USH2A: variants seen among roughly 807,000 people sequenced by gnomAD.
USH2A encodes usherin.
USH2A carries 443 observed loss-of-function variants against 538.9 expected under a neutral mutation model. The ratio of observed to expected loss-of-function variants is 0.82; its 90% CI spans 0.76 to 0.89. The LOEUF (loss-of-function observed/expected upper bound fraction) is 0.89, where lower values mean the gene tolerates loss of function less well. USH2A is among the 40% of genes least tolerant of loss of function. The pLI, the probability that USH2A is intolerant of heterozygous loss-of-function variation, is 0.00. For missense variants in USH2A, 6,633 were observed against 6,324.8 expected, an observed-to-expected ratio of 1.05 and a Z score of -1.65; for synonymous variants, 2,413 against 2,273.5, an observed-to-expected ratio of 1.06 and a Z score of -1.75.
chr1:215,677,585 G>A (rs746417781), intron 62 of USH2A, among the ~76,000 whole-genome samples: 2 of 152,094 alleles, frequency 1.3e-5, no homozygotes, highest in Non-Finnish European at 2.9e-5. Context: ...TATACTCGGG[G>A]TGGCTTCTCT....
chr1:215,951,793 A>C (rs138215554), intron 37 of USH2A, among the ~76,000 whole-genome samples: 4,843 of 151,442 alleles, frequency 0.032, 122 homozygotes, highest in South Asian at 0.084. Context: ...GAATTGATCC[A>C]TTTACCATTC....
At chr1:216,015,246 A>C (rs1668678516) in intron 32 of USH2A, among the ~76,000 whole-genome samples, 1 of 152,176 alleles carries the variant, frequency 6.6e-6, no homozygotes, top group South Asian at 2.1e-4. Flanking sequence ...CATCTTCGGC[A>C]GCAAACCTAA....
chr1:215,946,040 A>C (rs1330896357), intron 37 of USH2A, among the ~76,000 whole-genome samples: 1 of 152,186 alleles, frequency 6.6e-6, no homozygotes, highest in Non-Finnish European at 1.5e-5. Flanking sequence ...CAATACTGCC[A>C]AGTGCCATTA....
intron 34 of USH2A, among the ~76,000 whole-genome samples, chr1:215,995,365 G>A (rs899087240): frequency 6.6e-6 from 1 of 152,194 alleles, no homozygotes; most frequent in Non-Finnish European, 1.5e-5. Context: ...TAAAGAGGCT[G>A]CTGAAATAAC....
At chr1:215,969,747 A>G (rs938864328) in intron 36 of USH2A, among the ~76,000 whole-genome samples, 1 of 152,154 alleles carries the variant, frequency 6.6e-6, no homozygotes, top group African/African-American at 2.4e-5. Flanking sequence ...ATCAAAAATA[A>G]GGAAGCAGAA....
At chr1:215,667,259 T>C (rs1657634958) in intron 64 of USH2A, among the ~76,000 whole-genome samples, 1 of 152,152 alleles carries the variant, frequency 6.6e-6, no homozygotes, top group Non-Finnish European at 1.5e-5. Context: ...GCTTGTGATA[T>C]CACATGGATT....
chr1:215,943,957 T>G (rs1666698180), intron 37 of USH2A, among the ~76,000 whole-genome samples: 1 of 152,194 alleles, frequency 6.6e-6, no homozygotes, highest in African/African-American at 2.4e-5. Context: ...TTGTTAACAT[T>G]GGTTATTTAT....
Position 215,930,351 on chromosome 1 carries a change from G to GTAGT in USH2A, c.7300+4261_7300+4264dup, listed in dbSNP as rs201673269. On this transcript the variant is annotated intron_variant, in intron 38 of 71. Coordinates refer to ENST00000307340, the MANE Select transcript of USH2A (RefSeq NM_206933.4). ...TCTTCTGTCTCTTTTAGCTTTCTGAGTAGTTCTTTGATGTAACAAAGACAG... is the reference window on the plus strand; with the variant it reads ...TCTTCTGTCTCTTTTAGCTTTCTGAGTAGTTAGTTCTTTGATGTAACAAAGACAG... Among the ~76,000 whole-genome samples, 27 of 151,822 alleles carry GTAGT rather than the reference G, an allele frequency of 1.8e-4. No individual in the cohort carries two copies. The East Asian group carries it at 5.0e-3, about 28-fold the overall frequency.
intron 4 of USH2A, among the ~76,000 whole-genome samples, chr1:216,360,665 C>T (rs1348740574): frequency 6.6e-6 from 1 of 151,406 alleles, no homozygotes; most frequent in African/African-American, 2.4e-5. Context: ...ACTCTCTATA[C>T]TTTCCACTCA....
intron 6 of USH2A, 119 bp from the exon 7 acceptor site, chr1:216,324,471 C>G (rs1339317630): frequency 1.6e-5 from 16 of 975,698 alleles, no homozygotes; most frequent in Non-Finnish European, 2.4e-5. Context: ...TTATAGTTAT[C>G]AAATATGTAT....
intron 36 of USH2A, 63 bp downstream of exon 36, chr1:215,970,562 T>C: frequency 6.2e-7 from 1 of 1,607,496 alleles, no homozygotes; most frequent in Non-Finnish European, 8.5e-7. Context: ...ACTTACTTCT[T>C]CCTTAATATT....
At chr1:216,030,203 C>T (rs1669073376) in intron 32 of USH2A, among the ~76,000 whole-genome samples, 2 of 138,508 alleles carry the variant, frequency 1.4e-5, no homozygotes, top group Non-Finnish European at 3.0e-5. Context: ...TATAGATCTA[C>T]ATCACACATA....
At chr1:216,251,472 A>ATTTTTT (rs2036161521) in intron 11 of USH2A, among the ~76,000 whole-genome samples, 1 of 61,940 alleles carries the variant, frequency 1.6e-5, no homozygotes, top group Non-Finnish European at 3.2e-5. Flanking sequence ...TTTTTTTGAG[A>ATTTTTT]TGGAGTCTCG....
At chr1:215,812,053 C>T (rs540402485) in intron 49 of USH2A, among the ~76,000 whole-genome samples, 9 of 128,710 alleles carry the variant, frequency 7.0e-5, no homozygotes, top group African/African-American at 3.0e-5. Flanking sequence ...GGCACCATCT[C>T]GGCTCACCGC....
intron 35 of USH2A, among the ~76,000 whole-genome samples, chr1:215,987,414 C>T (rs572436735): frequency 6.6e-6 from 1 of 152,292 alleles, no homozygotes; most frequent in South Asian, 2.1e-4. Context: ...ACCTAAAAGT[C>T]GCTCTTTTCA....
chr1:215,726,477 TTAAAC>T lies in USH2A; in HGVS notation c.12066+1548_12066+1552del, dbSNP rs200041491. On this transcript the variant is annotated intron_variant, in intron 61 of 71. Transcript: ENST00000307340. Reference sequence around the variant, plus strand: ...GAGGACAGTGGGAAAACATTGTACTTTAAACTATTAATTTAAAAGGGCTCTTCTGG... The same window carrying T: ...GAGGACAGTGGGAAAACATTGTACTTTATTAATTTAAAAGGGCTCTTCTGG... Among the ~76,000 whole-genome samples, 14 of 152,334 alleles carry T rather than the reference TTAAAC, an allele frequency of 9.2e-5. No homozygotes were observed. In the South Asian group the frequency reaches 1.9e-3, roughly 20 times the overall value.
At chr1:216,230,076 T>C (rs980472379) in intron 14 of USH2A, among the ~76,000 whole-genome samples, 5 of 152,024 alleles carry the variant, frequency 3.3e-5, no homozygotes, top group African/African-American at 1.2e-4. Flanking sequence ...AAATGGGTAA[T>C]TGAATGTCAC....
chr1:215,968,486 T>A (rs1188714317), intron 36 of USH2A, among the ~76,000 whole-genome samples: 2 of 152,180 alleles, frequency 1.3e-5, no homozygotes, highest in Non-Finnish European at 2.9e-5. Context: ...GTGGTAAGAA[T>A]ATGGAACTTC....
chr1:216,124,311 G>C (rs2033201162), intron 21 of USH2A, among the ~76,000 whole-genome samples: 1 of 151,968 alleles, frequency 6.6e-6, no homozygotes, highest in Admixed American at 6.6e-5. Context: ...ACCCCTCTCA[G>C]GCAGTATCAA....
Sources: gnomAD v4.1 joint callset for allele counts (sites outside exome capture counted in the v4.1 genomes callset) on GRCh38, gnomAD v4.1.1 for gene constraint, MANE v1.5 for transcripts, NCBI Gene and HGNC (gene_info 2026-07-23, HGNC 2026-07-21) for gene names.